Variants in AIG1 observed in about 807,000 individuals in gnomAD.
AIG1 encodes androgen-induced gene 1 protein.
Under a neutral mutation model 31.4 loss-of-function variants are expected in AIG1, and 23 were observed. That is an observed-to-expected ratio of 0.73 (90% CI 0.53 to 1.04). The LOEUF (loss-of-function observed/expected upper bound fraction) is 1.04. Among genes scored for constraint, AIG1 ranks in the 50% least tolerant of loss-of-function variants. AIG1 has a pLI of 0.00. For missense variants in AIG1, 274 were observed against 295.0 expected, an observed-to-expected ratio of 0.93 and a Z score of 0.52; for synonymous variants, 100 against 110.5, an observed-to-expected ratio of 0.90 and a Z score of 0.60.
chr6:143,175,923 C>T (rs187717491), intron 3 of AIG1, among the ~76,000 whole-genome samples: 4 of 152,316 alleles, frequency 2.6e-5, no homozygotes, highest in Admixed American at 2.0e-4. Context: ...GGTTCCTTCT[C>T]ATTTGAGTAA....
intron 1 of AIG1, among the ~76,000 whole-genome samples, chr6:143,073,763 G>A (rs1192223264): frequency 2.6e-5 from 4 of 152,208 alleles, no homozygotes; most frequent in Non-Finnish European, 5.9e-5. Flanking sequence ...GTGGAAGCTT[G>A]TATGTTATAT....
intron 3 of AIG1, among the ~76,000 whole-genome samples, chr6:143,276,513 A>T (rs1796922267): frequency 6.6e-6 from 1 of 152,170 alleles, no homozygotes; most frequent in African/African-American, 2.4e-5. Context: ...ATATGCCAAA[A>T]AGGCACAGTT....
At chr6:143,109,601 G>C (rs932967873) in intron 1 of AIG1, among the ~76,000 whole-genome samples, 1 of 151,796 alleles carries the variant, frequency 6.6e-6, no homozygotes, top group Non-Finnish European at 1.5e-5. Flanking sequence ...ATCTTTTGTT[G>C]TGATTTTAAT....
intron 1 of AIG1, among the ~76,000 whole-genome samples, chr6:143,103,979 T>A (rs188232750): frequency 2.6e-5 from 4 of 152,326 alleles, no homozygotes; most frequent in Admixed American, 2.0e-4. Context: ...GAATTGACAA[T>A]GTTTCTGATT....
intron 2 of AIG1, 131 bp from the exon 3 acceptor site, chr6:143,164,951 G>C: frequency 1.5e-6 from 1 of 652,786 alleles, no homozygotes; most frequent in Non-Finnish European, 2.7e-6. Flanking sequence ...CCAATCATTA[G>C]CTGGTTTACT....
chr6:143,079,586 A>C (rs1227287946), intron 1 of AIG1, among the ~76,000 whole-genome samples: 1 of 152,202 alleles, frequency 6.6e-6, no homozygotes, highest in Non-Finnish European at 1.5e-5. Context: ...CCAGAAGCCT[A>C]CATATGTTTT....
intron 3 of AIG1, among the ~76,000 whole-genome samples, chr6:143,234,394 G>A (rs190209977): frequency 1.2e-4 from 18 of 152,298 alleles, no homozygotes; most frequent in Admixed American, 1.0e-3. Flanking sequence ...ATAGATTAGA[G>A]TGATGAGTGA....
chr6:143,165,102 G>T lies in AIG1; in HGVS notation c.318G>T (p.Trp106Cys). The change falls in exon 3 of 6, where the codon TGG (tryptophan) becomes TGT (cysteine). Residue 106 changes from tryptophan to cysteine, a missense_variant. Physicochemically the swap from Trp to Cys is radical, Grantham distance 215 (BLOSUM62 -2). Coordinates refer to ENST00000357847, the MANE Select transcript of AIG1 (RefSeq NM_016108.4). The stretch of plus-strand genomic sequence containing the variant: ...TCCAGTTTGTTGTAGCAGTGTTCTG[G>T]ATCATTTATGCCTATGACAGAGAGA... ...PVGVFVVAVF[W>C]IIYAYDREMI... 1 of 1,613,164 alleles carries T rather than the reference G, an allele frequency of 6.2e-7. No individual in the cohort carries two copies. The highest frequency in any genetic ancestry group is 8.5e-7 in the Non-Finnish European group (1 of 1,179,280).
At chr6:143,071,286 G>A (rs1777232413) in intron 1 of AIG1, among the ~76,000 whole-genome samples, 1 of 152,102 alleles carries the variant, frequency 6.6e-6, no homozygotes, top group African/African-American at 2.4e-5. Context: ...CTTTTTAATT[G>A]CTAGTAGTAT....
At chr6:143,341,447 A>G (rs924773942), downstream of AIG1, among the ~76,000 whole-genome samples, 1 of 152,186 alleles carries the variant, frequency 6.6e-6, no homozygotes, top group Non-Finnish European at 1.5e-5. Flanking sequence ...GTTTTTGGAG[A>G]CAGGGCCTTT....
At chr6:143,200,989 C>G (rs1050512377) in intron 3 of AIG1, among the ~76,000 whole-genome samples, 3 of 152,022 alleles carry the variant, frequency 2.0e-5, no homozygotes, top group Non-Finnish European at 4.4e-5. Flanking sequence ...ATTTGGACTC[C>G]CACATCCCTC....
chr6:143,069,961 C>T (rs1022862550), intron 1 of AIG1, among the ~76,000 whole-genome samples: 4 of 152,120 alleles, frequency 2.6e-5, no homozygotes, highest in Non-Finnish European at 4.4e-5. Flanking sequence ...CATTGAATTA[C>T]GTTTGCACCT....
In AIG1 at chr6:143,076,298, C is replaced by T. The variant is rs191063040; in HGVS notation, c.141+15232C>T. Among the ~76,000 whole-genome samples the T allele has an allele frequency of 1.6e-4, 25 of 152,122 alleles. No individual in the cohort carries two copies. In the East Asian group the frequency reaches 3.7e-3, roughly 22 times the overall value. The stretch of plus-strand genomic sequence containing the variant: ...ATGCTATGTAGCTTGGTGGATTGAC[C>T]CTTTATCACTATAAAATGTTCTTAT... On this transcript the variant is annotated intron_variant, in intron 1 of 5. Coordinates refer to ENST00000357847, the MANE Select transcript of AIG1 (RefSeq NM_016108.4).
intron 4 of AIG1, among the ~76,000 whole-genome samples, chr6:143,290,252 A>C (rs1160502379): frequency 6.6e-6 from 1 of 152,242 alleles, no homozygotes; most frequent in Admixed American, 6.5e-5. Context: ...GCAGGAATGA[A>C]AGGAAGTAAA....
At chr6:143,070,384 G>A (rs979869349) in intron 1 of AIG1, among the ~76,000 whole-genome samples, 2 of 152,166 alleles carry the variant, frequency 1.3e-5, no homozygotes, top group East Asian at 1.9e-4. Context: ...TAGTTTGTGC[G>A]TGTATTTTGT....
At chr6:143,097,368 A>G (rs536877928) in intron 1 of AIG1, among the ~76,000 whole-genome samples, 3 of 152,238 alleles carry the variant, frequency 2.0e-5, no homozygotes, top group South Asian at 4.2e-4. Context: ...GCCCAACCTT[A>G]TAAGCACACC....
chr6:143,260,489 T>C (rs1470308012), intron 3 of AIG1, among the ~76,000 whole-genome samples: 1 of 152,242 alleles, frequency 6.6e-6, no homozygotes, highest in South Asian at 2.1e-4. Context: ...TCCATGATAA[T>C]AGATTCCCTG....
rs9496550 is a variant in AIG1 at position 143,268,666 on chromosome 6, T to G, written c.400-15444T>G. On this transcript the variant is annotated intron_variant, in intron 3 of 5. Transcript: ENST00000357847. The surrounding 1 kb of genome is among the most constrained non-coding windows in gnomAD (Gnocchi z 5.0). ...AGATTCATAACCCTGCAGCGCAATT[T>G]TGGATTGTCAGAATCTGTTAACTGT... Among the ~76,000 whole-genome samples the G allele has an allele frequency of 0.13, 20,449 of 152,208 alleles. 3,951 individuals are homozygous for G. Among genetic ancestry groups the G allele is most frequent in the African/African-American group, 0.43 (17,855 of 41,492 alleles).
At chr6:143,121,528 A>G (rs1782243295) in intron 1 of AIG1, among the ~76,000 whole-genome samples, 1 of 151,856 alleles carries the variant, frequency 6.6e-6, no homozygotes, top group South Asian at 2.1e-4. Context: ...TTGTTTATCT[A>G]CAGACAGAAT....
Sources: gnomAD v4.1 joint callset for allele counts (sites outside exome capture counted in the v4.1 genomes callset) on GRCh38, gnomAD v4.1.1 for gene constraint, Gnocchi (gnomAD v3.1) non-coding constraint, MANE v1.5 for transcripts, NCBI Gene and HGNC (gene_info 2026-07-23, HGNC 2026-07-21) for gene names.